Variants in AGTPBP1 observed in about 807,000 individuals in gnomAD.
AGTPBP1 encodes the protein ATP/GTP binding carboxypeptidase 1, also known as cytosolic carboxypeptidase 1.
A neutral mutation model predicts 143.9 loss-of-function variants in AGTPBP1; 70 were observed. That is an observed-to-expected ratio of 0.49 (90% CI 0.40 to 0.59). The LOEUF is 0.59. Ranked by LOEUF, AGTPBP1 falls within the 20% of genes least tolerant of loss-of-function variation. The pLI, the probability that AGTPBP1 is intolerant of heterozygous loss-of-function variation, is 0.00. For missense variants in AGTPBP1, 1,229 were observed against 1,464.5 expected (o/e 0.84, Z 2.62); for synonymous variants, 463 against 500.2 (o/e 0.93, Z 0.99).
chr9:85,712,636 C>T (rs1050057733), intron 1 of AGTPBP1, 70 bp from the exon 2 acceptor site: 3 of 695,220 alleles, frequency 4.3e-6, no homozygotes, highest in Non-Finnish European at 6.4e-6. Context: ...ATCACAGAAG[C>T]CATACAATGG....
At chr9:85,614,269 T>A (rs965946201) in intron 17 of AGTPBP1, among the ~76,000 whole-genome samples, 1 of 151,656 alleles carries the variant, frequency 6.6e-6, no homozygotes, top group Non-Finnish European at 1.5e-5. Context: ...ATCAAGAAAA[T>A]CCAAAGTACC....
intron 1 of AGTPBP1, among the ~76,000 whole-genome samples, chr9:85,713,858 T>C (rs917771007): frequency 6.6e-6 from 1 of 152,228 alleles, no homozygotes; most frequent in African/African-American, 2.4e-5. Context: ...TTTACTCTTT[T>C]TTAAGACACA....
At chr9:85,731,672 A>G (rs1017672182) in intron 1 of AGTPBP1, among the ~76,000 whole-genome samples, 6 of 152,070 alleles carry the variant, frequency 3.9e-5, no homozygotes, top group Non-Finnish European at 7.4e-5. Context: ...CTGGTCTCAA[A>G]TTCATGGGCT....
intron 2 of AGTPBP1, among the ~76,000 whole-genome samples, chr9:85,697,538 C>T (rs1364422042): frequency 2.0e-5 from 3 of 147,268 alleles, no homozygotes; most frequent in African/African-American, 7.6e-5. Flanking sequence ...CTGCAAGCTC[C>T]GCCTCCCGGG....
At chr9:85,666,317 A>C (rs1446908512) in intron 8 of AGTPBP1, among the ~76,000 whole-genome samples, 2 of 152,156 alleles carry the variant, frequency 1.3e-5, no homozygotes, top group African/African-American at 4.8e-5. Context: ...ATTAAAAAGG[A>C]GAGGAAGCAT....
At chr9:85,690,049 T>C (rs1226601788) in intron 3 of AGTPBP1, among the ~76,000 whole-genome samples, 1 of 151,198 alleles carries the variant, frequency 6.6e-6, no homozygotes, top group African/African-American at 2.4e-5. Context: ...TAATAATTAC[T>C]ACACCTCCAA....
chr9:85,735,684 T>C (rs1181666091), intron 1 of AGTPBP1, among the ~76,000 whole-genome samples: 2 of 152,210 alleles, frequency 1.3e-5, no homozygotes, highest in African/African-American at 2.4e-5. Context: ...GGTGAGAGAT[T>C]AGTTTTCACC....
At chr9:85,674,857 A>G (rs138829813) in intron 6 of AGTPBP1, among the ~76,000 whole-genome samples, 4 of 152,294 alleles carry the variant, frequency 2.6e-5, no homozygotes. Context: ...CCAAATACTC[A>G]AAGTTTAAAA....
At chr9:85,761,146 A>G in the AGTPBP1 span, among the ~76,000 whole-genome samples, 1,185 of 152,334 alleles carry the variant, frequency 7.8e-3, 46 homozygotes, top group Admixed American at 0.065. Context: ...ATGGAAGAAC[A>G]TTCCATACTC....
chr9:85,644,255 C>G (rs531613291), intron 12 of AGTPBP1, among the ~76,000 whole-genome samples: 114 of 151,694 alleles, frequency 7.5e-4, no homozygotes, highest in Non-Finnish European at 1.3e-3. Flanking sequence ...AATTTAATCT[C>G]TTTAAATTAT....
rs1828652519 is a variant in AGTPBP1, at chr9:85,586,973, A to G, written c.2904-13T>C. 9.3e-6 allele frequency: 15 copies of G among 1,613,482 alleles called. No individual in the cohort carries two copies. Among genetic ancestry groups the G allele is most frequent in the African/African-American group, 1.3e-5 (1 of 75,024 alleles). On this transcript the variant is annotated splice_polypyrimidine_tract_variant and intron_variant, in intron 21 of 25. Coordinates refer to ENST00000357081, the MANE Select transcript of AGTPBP1 (RefSeq NM_001330701.2). The stretch of plus-strand genomic sequence containing the variant: ...AGAACAGCGATGACTACATGTACAT[A>G]AACACAAAGACAGAAAAACACTGGT...
intron 11 of AGTPBP1, among the ~76,000 whole-genome samples, chr9:85,647,536 A>T (rs1359296547): frequency 1.3e-5 from 2 of 152,244 alleles, no homozygotes; most frequent in Admixed American, 6.5e-5. Flanking sequence ...AGCAGAAAGG[A>T]GTAAACACGT....
chr9:85,600,715 G>T (rs547732617), intron 17 of AGTPBP1, among the ~76,000 whole-genome samples: 69 of 152,214 alleles, frequency 4.5e-4, no homozygotes, highest in Admixed American at 7.8e-4. Context: ...CTGCACAAAG[G>T]TATTGCTCCA....
chr9:85,602,967 T>A (rs1308940392), intron 17 of AGTPBP1, among the ~76,000 whole-genome samples: 1 of 152,208 alleles, frequency 6.6e-6, no homozygotes, highest in Non-Finnish European at 1.5e-5. Flanking sequence ...GTATTTAGAC[T>A]GACCTAGCCA....
At chr9:85,751,535 C>G in the AGTPBP1 span, among the ~76,000 whole-genome samples, 11 of 152,242 alleles carry the variant, frequency 7.2e-5, no homozygotes, top group South Asian at 2.3e-3. Context: ...TGACTCATGG[C>G]GTCCTTCCTG....
At chr9:85,563,385 C>G (rs1316826337) in intron 25 of AGTPBP1, among the ~76,000 whole-genome samples, 1 of 152,082 alleles carries the variant, frequency 6.6e-6, no homozygotes, top group Admixed American at 6.5e-5. Flanking sequence ...TTAAAGAATA[C>G]TTAATAATCC....
At chr9:85,695,371 A>C (rs1320661975) in intron 2 of AGTPBP1, among the ~76,000 whole-genome samples, 1 of 151,448 alleles carries the variant, frequency 6.6e-6, no homozygotes, top group East Asian at 1.9e-4. Flanking sequence ...ACTGAGCTTT[A>C]AAAAAAAATG....
the AGTPBP1 span, chr9:85,773,992 A>G: frequency 6.2e-7 from 1 of 1,611,028 alleles, no homozygotes; most frequent in Non-Finnish European, 8.5e-7. Context: ...CTCCAGCAAA[A>G]GGAGCACGAA....
the AGTPBP1 span, among the ~76,000 whole-genome samples, chr9:85,790,654 G>A: frequency 6.6e-6 from 1 of 152,120 alleles, no homozygotes; most frequent in African/African-American, 2.4e-5. Context: ...AGGAATTTCT[G>A]CAATGAGTCA....
Sources: gnomAD v4.1 joint callset for allele counts (sites outside exome capture counted in the v4.1 genomes callset) on GRCh38, gnomAD v4.1.1 for gene constraint, MANE v1.5 for transcripts, NCBI Gene and HGNC (gene_info 2026-07-23, HGNC 2026-07-21) for gene names.